RBM47: variants seen among roughly 807,000 people sequenced by gnomAD.
RBM47 encodes RNA-binding protein 47.
In RBM47, 21 loss-of-function variants were observed where a neutral mutation model predicts 47.1. That is an observed-to-expected ratio of 0.45 (90% CI 0.32 to 0.64). The LOEUF (loss-of-function observed/expected upper bound fraction) is 0.64. Among genes scored for constraint, RBM47 ranks in the 30% least tolerant of loss-of-function variants. The pLI is 0.05. For missense variants in RBM47, 708 were observed against 870.9 expected (o/e 0.81, Z 2.35); for synonymous variants, 375 against 361.7 (o/e 1.04, Z -0.42).
intron 2 of RBM47, among the ~76,000 whole-genome samples, chr4:40,470,219 C>T (rs1248423956): frequency 1.3e-5 from 2 of 152,096 alleles, no homozygotes; most frequent in Non-Finnish European, 2.9e-5. Flanking sequence ...TTCCAGCTCC[C>T]CCCGCCCCCC....
chr4:40,468,715 G>A (rs542423445), intron 2 of RBM47, among the ~76,000 whole-genome samples: 1 of 151,854 alleles, frequency 6.6e-6, no homozygotes, highest in Admixed American at 6.6e-5. Context: ...TTTTAATCTT[G>A]TTAACAATGA....
chr4:40,602,852 T>C (rs944607255), intron 1 of RBM47, among the ~76,000 whole-genome samples: 1 of 152,028 alleles, frequency 6.6e-6, no homozygotes. Context: ...TATAAACTTT[T>C]CACTGAAGTA....
chr4:40,604,849 T>C (rs1159853263), intron 1 of RBM47, among the ~76,000 whole-genome samples: 1 of 152,136 alleles, frequency 6.6e-6, no homozygotes, highest in Non-Finnish European at 1.5e-5. Context: ...CCTGAGTTGC[T>C]GGGACTACAA....
At chr4:40,579,048 G>A (rs1732607893) in intron 1 of RBM47, among the ~76,000 whole-genome samples, 1 of 151,932 alleles carries the variant, frequency 6.6e-6, no homozygotes. Flanking sequence ...GAACCTGGGA[G>A]GCGGAGGCTA....
chr4:40,528,045 T>C (rs1726922460), intron 2 of RBM47, among the ~76,000 whole-genome samples: 1 of 152,244 alleles, frequency 6.6e-6, no homozygotes, highest in Non-Finnish European at 1.5e-5. Flanking sequence ...ACTTACGAAG[T>C]ATTTCTTATA....
intron 3 of RBM47, among the ~76,000 whole-genome samples, chr4:40,444,660 A>G (rs569793506): frequency 6.7e-5 from 10 of 150,332 alleles, no homozygotes; most frequent in African/African-American, 2.5e-4. Context: ...TAATTTTTAA[A>G]TTCTAACTGT....
intron 2 of RBM47, among the ~76,000 whole-genome samples, chr4:40,524,287 G>A (rs1022307429): frequency 3.3e-5 from 5 of 152,226 alleles, no homozygotes; most frequent in East Asian, 3.9e-4. Context: ...ATGAGGAAAC[G>A]GAAACCCAAA....
intron 1 of RBM47, among the ~76,000 whole-genome samples, chr4:40,627,813 C>T (rs9685742): frequency 6.6e-6 from 1 of 152,006 alleles, no homozygotes; most frequent in Non-Finnish European, 1.5e-5. Flanking sequence ...CTGCTTTGGG[C>T]AGAATTCTTT....
intron 1 of RBM47, among the ~76,000 whole-genome samples, chr4:40,553,123 A>G (rs1577944775): frequency 7.0e-6 from 1 of 142,642 alleles, no homozygotes; most frequent in African/African-American, 2.6e-5. Context: ...ACGCGCCACC[A>G]CGCCCCACCT....
intron 6 of RBM47, among the ~76,000 whole-genome samples, chr4:40,431,706 A>G (rs1716097427): frequency 6.6e-6 from 1 of 151,602 alleles, no homozygotes; most frequent in Non-Finnish European, 1.5e-5. Flanking sequence ...GTGGATGGGA[A>G]AGATTCTATG....
intron 2 of RBM47, among the ~76,000 whole-genome samples, chr4:40,483,499 CAG>C (rs1408190555): frequency 2.0e-5 from 3 of 152,210 alleles, no homozygotes; most frequent in Non-Finnish European, 4.4e-5. Flanking sequence ...GGATTCTGAG[CAG>C]AGAAGCGCTG....
intron 2 of RBM47, among the ~76,000 whole-genome samples, chr4:40,504,512 C>T (rs1369818102): frequency 1.3e-5 from 2 of 152,006 alleles, no homozygotes; most frequent in Admixed American, 6.6e-5. Flanking sequence ...AGGCTGATCT[C>T]GAACTCCTGA....
Position 40,580,724 on chromosome 4 carries a change from G to A in RBM47, c.-239-36218C>T, listed in dbSNP as rs555858196. ...TGAGGAATGATCCCTACCACTGCTC[G>A]CACATGAATGGGAAAGGATGTACAA... On this transcript the variant is annotated intron_variant, in intron 1 of 6. Transcript: ENST00000295971. 7.9e-5 allele frequency among the ~76,000 whole-genome samples: 12 copies of A among 152,326 alleles called. No homozygotes were observed. In the East Asian group the frequency reaches 1.7e-3, roughly 22 times the overall value.
chr4:40,537,168 G>A (rs569871021), intron 2 of RBM47, among the ~76,000 whole-genome samples: 4 of 151,970 alleles, frequency 2.6e-5, no homozygotes, highest in African/African-American at 9.7e-5. Context: ...CTGGAGTGCA[G>A]TGGCATAATC....
chr4:40,538,841 G>A (rs1445799972), intron 2 of RBM47, among the ~76,000 whole-genome samples: 1 of 149,938 alleles, frequency 6.7e-6, no homozygotes, highest in Non-Finnish European at 1.5e-5. Flanking sequence ...TCACCATGTT[G>A]GCCAGTCAGT....
At chr4:40,449,531 C>T (rs1715078365) in intron 3 of RBM47, among the ~76,000 whole-genome samples, 1 of 152,200 alleles carries the variant, frequency 6.6e-6, no homozygotes, top group Non-Finnish European at 1.5e-5. Context: ...CAACACACAC[C>T]TGAGAATGCG....
At chr4:40,447,301 A>G (rs968844834) in intron 3 of RBM47, among the ~76,000 whole-genome samples, 1 of 152,232 alleles carries the variant, frequency 6.6e-6, no homozygotes, top group African/African-American at 2.4e-5. Context: ...CCTTCAAATC[A>G]AGCTATTATT....
intron 1 of RBM47, among the ~76,000 whole-genome samples, chr4:40,612,224 C>T (rs1362564304): frequency 6.6e-6 from 1 of 152,150 alleles, no homozygotes; most frequent in Non-Finnish European, 1.5e-5. Flanking sequence ...CCGTATCTAA[C>T]TGATATTCAA....
At chr4:40,496,353 CACACACACACA>C (rs761909483) in intron 2 of RBM47, among the ~76,000 whole-genome samples, 22,893 of 151,816 alleles carry the variant, frequency 0.15, 1,776 homozygotes, top group East Asian at 0.2. Flanking sequence ...CACACACACA[CACACACACACA>C]AAGAGAGAAA....
Sources: allele counts gnomAD v4.1 joint callset (sites outside exome capture counted in the v4.1 genomes callset), GRCh38; gene constraint gnomAD v4.1.1; transcripts MANE v1.5; gene names NCBI Gene and HGNC (gene_info 2026-07-23, HGNC 2026-07-21).